The following HEMK2 variants were observed in gnomAD, a reference collection of about 807,000 sequenced individuals.
HEMK2 encodes methyltransferase HEMK2.
chr21:28,852,021 C>A, the HEMK2 span, among the ~76,000 whole-genome samples: 23 of 152,278 alleles, frequency 1.5e-4, no homozygotes, highest in East Asian at 4.4e-3. Flanking sequence ...GTTAAGCTTA[C>A]GATAATCCAC....
the HEMK2 span, among the ~76,000 whole-genome samples, chr21:28,786,917 G>C: frequency 6.6e-6 from 1 of 151,980 alleles, no homozygotes; most frequent in African/African-American, 2.4e-5. Flanking sequence ...CACAGAGTTA[G>C]AAAAAACAGT....
At chr21:28,879,964 T>A in the HEMK2 span, 1 of 1,546,034 alleles carries the variant, frequency 6.5e-7, no homozygotes, top group Admixed American at 2.1e-5. Context: ...CTAAATGTAT[T>A]CAACAACAGT....
the HEMK2 span, among the ~76,000 whole-genome samples, chr21:28,704,305 T>C: frequency 1.3e-5 from 2 of 152,156 alleles, no homozygotes; most frequent in East Asian, 1.9e-4. Context: ...GACCTCCTAA[T>C]GCACTGCTCA....
At chr21:28,733,241 T>G in the HEMK2 span, among the ~76,000 whole-genome samples, 2 of 152,218 alleles carry the variant, frequency 1.3e-5, no homozygotes, top group African/African-American at 2.4e-5. Flanking sequence ...ATCGTGCCAC[T>G]GCAGTCCAGC....
chr21:28,863,801 G>C, the HEMK2 span, among the ~76,000 whole-genome samples: 1 of 151,900 alleles, frequency 6.6e-6, no homozygotes, highest in Admixed American at 6.6e-5. Flanking sequence ...AACACTTGCT[G>C]CTCTGGCACC....
chr21:28,755,376 C>A, the HEMK2 span, among the ~76,000 whole-genome samples: 1 of 152,180 alleles, frequency 6.6e-6, no homozygotes, highest in East Asian at 1.9e-4. Context: ...ACTCTAGGCA[C>A]GCCACCTTAT....
the HEMK2 span, among the ~76,000 whole-genome samples, chr21:28,616,683 T>TA: frequency 4.3e-3 from 654 of 152,360 alleles, 6 homozygotes; most frequent in African/African-American, 0.014. Context: ...TTTGTTTTTC[T>TA]ATTTCCTAGT....
At chr21:28,821,999 C>T in the HEMK2 span, among the ~76,000 whole-genome samples, 1 of 152,116 alleles carries the variant, frequency 6.6e-6, no homozygotes, top group Non-Finnish European at 1.5e-5. Flanking sequence ...GTGAGATAAA[C>T]ACAAATATCA....
the HEMK2 span, among the ~76,000 whole-genome samples, chr21:28,641,608 T>C: frequency 6.6e-6 from 1 of 152,210 alleles, no homozygotes; most frequent in African/African-American, 2.4e-5. Flanking sequence ...GCTCCTTGGT[T>C]GTTGTAAAGA....
chr21:28,635,072 T>C, the HEMK2 span, among the ~76,000 whole-genome samples: 2 of 152,070 alleles, frequency 1.3e-5, no homozygotes, highest in South Asian at 4.1e-4. Flanking sequence ...CTCTGAATGA[T>C]CTATGATCTA....
the HEMK2 span, chr21:28,873,869 A>G: frequency 6.6e-6 from 1 of 151,968 alleles, no homozygotes; most frequent in Non-Finnish European, 1.5e-5. Flanking sequence ...CCTCTAGGCC[A>G]GCAGTGCATA....
At chr21:28,753,318 C>T in the HEMK2 span, among the ~76,000 whole-genome samples, 1 of 149,242 alleles carries the variant, frequency 6.7e-6, no homozygotes, top group Non-Finnish European at 1.5e-5. Flanking sequence ...GATTGCACCA[C>T]TGCACTCCAG....
chr21:28,813,572 A>G, the HEMK2 span, among the ~76,000 whole-genome samples: 5 of 152,344 alleles, frequency 3.3e-5, no homozygotes, highest in Middle Eastern at 3.4e-3. Context: ...AATAAGAAAA[A>G]AACTACTTAA....
At chr21:28,768,203 C>T in the HEMK2 span, among the ~76,000 whole-genome samples, 8 of 152,220 alleles carry the variant, frequency 5.3e-5, no homozygotes, top group East Asian at 3.9e-4. Context: ...CTGTGAGCCA[C>T]GCATCATGCC....
chr21:28,855,625 G>A, the HEMK2 span, among the ~76,000 whole-genome samples: 7 of 152,054 alleles, frequency 4.6e-5, no homozygotes, highest in Non-Finnish European at 7.4e-5. Flanking sequence ...ACAACTCTCA[G>A]CAAATTCAAA....
chr21:28,681,812 A>G, the HEMK2 span, among the ~76,000 whole-genome samples: 1 of 152,118 alleles, frequency 6.6e-6, no homozygotes, highest in Admixed American at 6.5e-5. Flanking sequence ...ATGATTCCCT[A>G]TTTAATAAAT....
chr21:28,885,283 G>T, the HEMK2 span: 2 of 1,592,882 alleles, frequency 1.3e-6, no homozygotes, highest in South Asian at 2.2e-5. Context: ...GCTCGTACAC[G>T]TCGCTGAAGG....
chr21:28,722,707 C>T, the HEMK2 span, among the ~76,000 whole-genome samples: 1 of 152,016 alleles, frequency 6.6e-6, no homozygotes, highest in South Asian at 2.1e-4. Flanking sequence ...CATGGAGAAA[C>T]CCCGTCTCTA....
the HEMK2 span, among the ~76,000 whole-genome samples, chr21:28,743,554 A>G: frequency 1.2e-4 from 18 of 152,228 alleles, no homozygotes; most frequent in African/African-American, 4.1e-4. Flanking sequence ...GCAGAAAAGA[A>G]AAAAGAGAGT....
Sources: allele counts gnomAD v4.1 joint callset (sites outside exome capture counted in the v4.1 genomes callset), GRCh38; gene constraint gnomAD v4.1.1; transcripts MANE v1.5; gene names NCBI Gene and HGNC (gene_info 2026-07-23, HGNC 2026-07-21).